The following ERI1 variants were observed in gnomAD, a reference collection of about 807,000 sequenced individuals.
ERI1 encodes exoribonuclease 1, also known as 3'-5' exoribonuclease 1.
A neutral mutation model predicts 39.7 loss-of-function variants in ERI1; 39 were observed. That is an observed-to-expected ratio of 0.98 (90% CI 0.76 to 1.28). ERI1 has a LOEUF of 1.28. Ranked by LOEUF, ERI1 falls within the 50% of genes most tolerant of loss-of-function variation. The probability of loss-of-function intolerance (pLI) is 0.00; values close to 1 mark genes in which losing one functional copy is unlikely to be tolerated. For missense variants in ERI1, 581 were observed against 416.9 expected, an observed-to-expected ratio of 1.39 and a Z score of -3.43; for synonymous variants, 204 against 149.6, an observed-to-expected ratio of 1.36 and a Z score of -2.65.
intron 2 of ERI1, among the ~76,000 whole-genome samples, chr8:9,009,538 C>A (rs11989321): frequency 0.027 from 4,084 of 152,084 alleles, 193 homozygotes; most frequent in African/African-American, 0.094. Flanking sequence ...TGAGAACATG[C>A]CTTTTATTTT....
In ERI1 at chr8:9,030,262, C is replaced by G; in HGVS notation, c.*228C>G. On this transcript the variant is annotated 3_prime_UTR_variant, in exon 7 of 7. Coordinates refer to ENST00000250263, the MANE Select transcript of ERI1 (RefSeq NM_153332.4). ...ATGAACAGTATTCGTTACATAGTAA[C>G]AGTTCCTGCTTACAACTGAATTTTA... 1.9e-6 allele frequency: 1 copy of G among 537,572 alleles called. No individual in the cohort carries two copies. The highest frequency in any genetic ancestry group is 3.3e-6 in the Non-Finnish European group (1 of 307,226). The allele number at this position is 537,572 out of a possible 1,614,324, so 33.3% of individuals were successfully genotyped here.
chr8:9,075,036 C>T (rs2117436737), intron 3 of ERI1, among the ~76,000 whole-genome samples: 1 of 152,288 alleles, frequency 6.6e-6, no homozygotes, highest in East Asian at 1.9e-4. Context: ...TTTCCTGAAT[C>T]GTATCTGAGC....
chr8:9,020,551 T>G, intron 6 of ERI1, 87 bp downstream of exon 6: 1 of 805,936 alleles, frequency 1.2e-6, no homozygotes. Context: ...ATTTTCCAGG[T>G]GTTTTTCATG....
intron 1 of ERI1, among the ~76,000 whole-genome samples, chr8:9,006,044 T>C (rs974136286): frequency 6.6e-6 from 1 of 152,180 alleles, no homozygotes; most frequent in Non-Finnish European, 1.5e-5. Context: ...ATGTGATAGG[T>C]GGATGTAGTT....
At chr8:9,079,930 C>T (rs1282348289) in intron 3 of ERI1, among the ~76,000 whole-genome samples, 1 of 150,446 alleles carries the variant, frequency 6.6e-6, no homozygotes, top group African/African-American at 2.4e-5. Flanking sequence ...CTTGGCCTCC[C>T]AAAGTGCTGT....
chr8:9,087,799 A>G (rs1237151089), intron 3 of ERI1, among the ~76,000 whole-genome samples: 2 of 152,132 alleles, frequency 1.3e-5, no homozygotes, highest in Non-Finnish European at 2.9e-5. Flanking sequence ...TTTCACAGAG[A>G]GGGAAAGGGG....
At chr8:9,095,234 G>C (rs781564788) in intron 3 of ERI1, among the ~76,000 whole-genome samples, 2 of 152,182 alleles carry the variant, frequency 1.3e-5, no homozygotes, top group Non-Finnish European at 2.9e-5. Context: ...GTGCAGGTTT[G>C]TTACATGGGT....
intron 5 of ERI1, 75 bp downstream of exon 5, chr8:9,018,481 A>C (rs1400271254): frequency 1.2e-6 from 1 of 841,714 alleles, no homozygotes; most frequent in East Asian, 2.7e-5. Flanking sequence ...TCTGATTTTT[A>C]GAATAACCAC....
At chr8:9,047,087 C>T (rs1798196808) in intron 3 of ERI1, among the ~76,000 whole-genome samples, 4 of 152,222 alleles carry the variant, frequency 2.6e-5, no homozygotes, top group African/African-American at 4.8e-5. Flanking sequence ...AGGCAAGCTG[C>T]TCTTTCCCAG....
chr8:9,003,183 ACCCGCGCCTGGCTGTTGGCG>A lies in ERI1; in HGVS notation c.108+15_108+34del. On this transcript the variant is annotated intron_variant, in intron 1 of 6. Coordinates refer to ENST00000250263, the MANE Select transcript of ERI1 (RefSeq NM_153332.4). ...GTCCCAGTCCCGAGGTGAGGAGTCG[ACCCGCGCCTGGCTGTTGGCG>A]CCAGCTGCCCCGTCCCCAAAGCGCC... is the stretch of plus-strand genomic sequence containing the variant. The A allele has an allele frequency of 8.1e-7, 1 of 1,238,166 alleles. No homozygotes were observed. Among genetic ancestry groups the A allele is most frequent in the Non-Finnish European group, 1.0e-6 (1 of 989,126 alleles). 76.7% of individuals were successfully genotyped at this position (1,238,166 alleles called of 1,614,324 possible).
chr8:9,026,117 C>T (rs150457232), intron 6 of ERI1, among the ~76,000 whole-genome samples: 5 of 152,240 alleles, frequency 3.3e-5, no homozygotes, highest in Non-Finnish European at 5.9e-5. Context: ...GTTTTGACTG[C>T]GAACCATCAC....
chr8:9,011,264 G>A (rs1411636743), intron 2 of ERI1, among the ~76,000 whole-genome samples: 1 of 152,072 alleles, frequency 6.6e-6, no homozygotes, highest in African/African-American at 2.4e-5. Context: ...AGTGTTTATG[G>A]TTTGAAGTAC....
rs1817737343 is a variant in ERI1 at position 9,020,272 on chromosome 8, T to C, written c.693-78T>C. On this transcript the variant is annotated intron_variant, in intron 5 of 6. Transcript: ENST00000250263. ...ATATGAGAAAGTTGACATATATAAA[T>C]AAATGATTTAAAATACTCATTTGTA... The C allele has an allele frequency of 7.4e-6, 5 of 676,078 alleles. No individual in the cohort carries two copies. In the South Asian group the frequency reaches 1.5e-4, roughly 21 times the overall value. The allele number at this position is 676,078 out of a possible 1,614,324, so 41.9% of individuals were successfully genotyped here. A position where few individuals can be genotyped will look rare whatever the true frequency, so the allele number is the denominator to read the frequency against.
intron 2 of ERI1, chr8:9,008,920 G>A: frequency 2.3e-6 from 1 of 435,704 alleles, no homozygotes; most frequent in Non-Finnish European, 4.6e-6. Context: ...TTCCTCTTTA[G>A]AGTTTCACCA....
chr8:9,083,008 T>C (rs1799415869), intron 3 of ERI1, among the ~76,000 whole-genome samples: 1 of 152,210 alleles, frequency 6.6e-6, no homozygotes, highest in Non-Finnish European at 1.5e-5. Context: ...ACATAGGCAT[T>C]TCCTCAATAT....
chr8:9,040,743 GTGTT>G lies in ERI1; in HGVS notation n.299+20280_299+20283del, dbSNP rs1797992579. 2.0e-5 allele frequency among the ~76,000 whole-genome samples: 3 copies of G among 151,228 alleles called. No individual in the cohort carries two copies. The South Asian group carries it at 6.2e-4, about 31-fold the overall frequency. ...TAGTGTGTGTGTGGGGGGGGGGTGT[GTGTT>G]AGTTCACATTTGATAAGGTTCTTGT... On this transcript the variant is annotated intron_variant and non_coding_transcript_variant, in intron 3 of 3. Coordinates refer to the ERI1 transcript ENST00000518663.
At chr8:9,064,737 G>A (rs1286219616) in intron 3 of ERI1, among the ~76,000 whole-genome samples, 2 of 152,088 alleles carry the variant, frequency 1.3e-5, no homozygotes, top group East Asian at 1.9e-4. Context: ...AAGAGCAGGA[G>A]GACAGGGGAT....
At chr8:9,081,507 C>T (rs1005151320) in intron 3 of ERI1, among the ~76,000 whole-genome samples, 1 of 152,056 alleles carries the variant, frequency 6.6e-6, no homozygotes, top group African/African-American at 2.4e-5. Context: ...ATTGCCAGCT[C>T]AGCCATTTTC....
rs1483300846 is a variant in ERI1 at position 9,003,397 on chromosome 8, T to C, written c.108+226T>C. 2.0e-5 allele frequency among the ~76,000 whole-genome samples: 3 copies of C among 152,228 alleles called. No individual in the cohort carries two copies. The East Asian group carries it at 5.8e-4, about 29-fold the overall frequency. On this transcript the variant is annotated intron_variant, in intron 1 of 6. Coordinates refer to ENST00000250263, the MANE Select transcript of ERI1 (RefSeq NM_153332.4). The stretch of plus-strand genomic sequence containing the variant: ...GGAGGGAGGAAATCGTCAAGACCAG[T>C]TCTGTCTACAGTGGGTTAACAGGTT...
Sources: gnomAD v4.1 joint callset for allele counts (sites outside exome capture counted in the v4.1 genomes callset) on GRCh38, gnomAD v4.1.1 for gene constraint, MANE v1.5 for transcripts, NCBI Gene and HGNC (gene_info 2026-07-23, HGNC 2026-07-21) for gene names.